The following EXTL3 variants were observed in gnomAD, a reference collection of about 807,000 sequenced individuals.
The protein encoded by EXTL3 is exostosin-like 3.
In EXTL3, 27 loss-of-function variants were observed where a neutral mutation model predicts 69.3. The ratio of observed to expected loss-of-function variants is 0.39; its 90% CI spans 0.29 to 0.54. EXTL3 has a LOEUF of 0.54. Ranked by LOEUF, EXTL3 falls within the 20% of genes least tolerant of loss-of-function variation. The pLI is 0.69. For missense variants in EXTL3, 1,003 were observed against 1,231.8 expected, an observed-to-expected ratio of 0.81 and a Z score of 2.78; for synonymous variants, 511 against 499.4, an observed-to-expected ratio of 1.02 and a Z score of -0.31.
intron 1 of EXTL3, among the ~76,000 whole-genome samples, chr8:28,640,141 TAAGG>T (rs1806720043): frequency 6.6e-6 from 1 of 152,126 alleles, no homozygotes; most frequent in South Asian, 2.1e-4. Flanking sequence ...CTGCAGACTC[TAAGG>T]TTCATGAGTG....
intron 1 of EXTL3, among the ~76,000 whole-genome samples, chr8:28,712,298 G>GA (rs1801045667): frequency 6.6e-6 from 1 of 152,172 alleles, no homozygotes; most frequent in Admixed American, 6.5e-5. Context: ...GGGGAAGAGC[G>GA]ATGGTAACTG....
intron 1 of EXTL3, among the ~76,000 whole-genome samples, chr8:28,683,580 C>T (rs985695863): frequency 2.6e-5 from 4 of 151,946 alleles, no homozygotes; most frequent in South Asian, 2.1e-4. Flanking sequence ...TTTGGGAGGC[C>T]GAGGCAGGTG....
At chr8:28,619,103 A>C (rs1324090745), upstream of EXTL3, among the ~76,000 whole-genome samples, 2 of 148,690 alleles carry the variant, frequency 1.3e-5, no homozygotes, top group African/African-American at 2.5e-5. Flanking sequence ...AAAAAAAAAA[A>C]AAAAAAAAAA....
chr8:28,647,645 G>C (rs1478364418), intron 1 of EXTL3, among the ~76,000 whole-genome samples: 1 of 152,110 alleles, frequency 6.6e-6, no homozygotes, highest in Non-Finnish European at 1.5e-5. Context: ...TTCAGCCTCT[G>C]TGTGAGGCTG....
intron 1 of EXTL3, among the ~76,000 whole-genome samples, chr8:28,672,700 C>T (rs1807316121): frequency 6.6e-6 from 1 of 152,070 alleles, no homozygotes; most frequent in Admixed American, 6.6e-5. Flanking sequence ...TGATGCATGC[C>T]CATGTTTCAG....
At chr8:28,628,286 C>A (rs1806524712) in intron 1 of EXTL3, among the ~76,000 whole-genome samples, 1 of 151,814 alleles carries the variant, frequency 6.6e-6, no homozygotes, top group African/African-American at 2.4e-5. Flanking sequence ...CGCTCGAACC[C>A]AGGAGGCAGA....
chr8:28,677,726 G>A (rs1807410695), intron 1 of EXTL3, among the ~76,000 whole-genome samples: 1 of 151,808 alleles, frequency 6.6e-6, no homozygotes. Flanking sequence ...AAATCACTTT[G>A]TTCTGTTACG....
chr8:28,753,961 GC>G lies in EXTL3; in HGVS notation c.*3096del, dbSNP rs1802066060. ...ACAGGAACTTAGGGGCTGTTGAGGT[GC>G]TTTAAGCAGGATGTGGAAGGGCATG... is the stretch of plus-strand genomic sequence containing the variant. On this transcript the variant is annotated 3_prime_UTR_variant, in exon 7 of 7. Coordinates refer to ENST00000220562, the MANE Select transcript of EXTL3 (RefSeq NM_001440.4). The G allele has an allele frequency of 1.3e-5, 2 of 152,328 alleles. No individual in the cohort carries two copies. Among genetic ancestry groups the G allele is most frequent in the Non-Finnish European group, 2.9e-5 (2 of 68,158 alleles). 9.4% of individuals were successfully genotyped at this position (152,328 alleles called of 1,614,324 possible).
In EXTL3 at chr8:28,716,138, A is replaced by G. The variant is rs1801139095; in HGVS notation, c.79A>G (p.Ile27Val). The change falls in exon 3 of 7, where the codon ATC becomes GTC. Residue 27 changes from isoleucine (I) to valine (V), a missense_variant. Coordinates refer to ENST00000220562, the MANE Select transcript of EXTL3 (RefSeq NM_001440.4). This position sits in a 1 kb window ranked among gnomAD's most constrained non-coding sequence, Gnocchi z 7.1. Reference protein sequence around the residue: ...QTCMLRWSNRIRLTWLSFTLF... With the variant: ...QTCMLRWSNRVRLTWLSFTLF... ...CTGCATGCTGCGCTGGTCCAACCGC[A>G]TCCGCCTCACGTGGCTCAGCTTCAC... The G allele has an allele frequency of 6.2e-7, 1 of 1,614,006 alleles. No homozygotes were observed. The highest frequency in any genetic ancestry group is 8.5e-7 in the Non-Finnish European group (1 of 1,180,042).
chr8:28,748,171 G>A (rs1801928709), intron 6 of EXTL3, among the ~76,000 whole-genome samples: 1 of 152,156 alleles, frequency 6.6e-6, no homozygotes, highest in South Asian at 2.1e-4. Context: ...AGGAGATCGA[G>A]ACCATCCTGG....
intron 1 of EXTL3, among the ~76,000 whole-genome samples, chr8:28,669,414 C>T (rs1807250809): frequency 6.6e-6 from 1 of 152,230 alleles, no homozygotes; most frequent in Non-Finnish European, 1.5e-5. Context: ...TCATGCCTAT[C>T]AAATGCTTCT....
At chr8:28,722,092 G>A (rs56085250) in intron 3 of EXTL3, among the ~76,000 whole-genome samples, 173 of 152,298 alleles carry the variant, frequency 1.1e-3, no homozygotes, top group African/African-American at 4.1e-3. Flanking sequence ...AAGCCTGAAT[G>A]AAGCGAGAGA....
At chr8:28,664,583 T>A (rs995465241) in intron 1 of EXTL3, among the ~76,000 whole-genome samples, 3 of 152,022 alleles carry the variant, frequency 2.0e-5, no homozygotes, top group African/African-American at 7.2e-5. Context: ...GGTCTCAATA[T>A]TTTTTTTCAT....
At position 28,718,029 on chromosome 8, in the gene EXTL3, A is replaced by C; in HGVS notation, c.1970A>C (p.Asn657Thr). 1.9e-6 allele frequency: 3 copies of C among 1,613,612 alleles called. No individual in the cohort carries two copies. The highest frequency in any genetic ancestry group is 2.5e-6 in the Non-Finnish European group (3 of 1,179,888). Residue 657 changes from asparagine (N) to threonine (T), a missense_variant, in exon 3 of 7, where the codon AAT (asparagine) becomes ACT (threonine). Around this residue, in one of 2 missense-constraint regions of EXTL3, gnomAD observed 261 missense variants for 416.4 expected, o/e 0.63. Transcript: ENST00000220562. ...GKEFQAALGG[N>T]VPREQFTVVM... ...GAATTTCAGGCAGCGCTTGGAGGCA[A>C]TGTTCCCCGAGAGCAGTTCACGGTG...
intron 3 of EXTL3, among the ~76,000 whole-genome samples, chr8:28,727,594 T>G (rs1329949155): frequency 6.6e-6 from 1 of 152,214 alleles, no homozygotes; most frequent in Non-Finnish European, 1.5e-5. Context: ...ATTGTCAAGT[T>G]TGGCTGATAA....
upstream of EXTL3, among the ~76,000 whole-genome samples, chr8:28,622,545 G>A (rs1806429064): frequency 6.7e-6 from 1 of 149,218 alleles, no homozygotes; most frequent in Non-Finnish European, 1.5e-5. Context: ...GCCGGGAGCC[G>A]ACGCGGAGGC....
chr8:28,679,108 G>A (rs1807436746), intron 1 of EXTL3, among the ~76,000 whole-genome samples: 1 of 152,204 alleles, frequency 6.6e-6, no homozygotes, highest in Non-Finnish European at 1.5e-5. Context: ...ACTGTTCTAT[G>A]CTCCAAACCA....
intron 1 of EXTL3, among the ~76,000 whole-genome samples, chr8:28,711,984 C>G (rs1427374440): frequency 6.6e-6 from 1 of 152,090 alleles, no homozygotes; most frequent in Non-Finnish European, 1.5e-5. Context: ...CAGCAGTGAT[C>G]CAAACACAAA....
chr8:28,708,136 A>G (rs918026553), intron 1 of EXTL3, among the ~76,000 whole-genome samples: 1 of 152,258 alleles, frequency 6.6e-6, no homozygotes, highest in African/African-American at 2.4e-5. Context: ...CCTTTCAAAC[A>G]GCCCTGTAAT....
Sources: allele counts gnomAD v4.1 joint callset (sites outside exome capture counted in the v4.1 genomes callset), GRCh38; gene constraint gnomAD v4.1.1; regional missense constraint gnomAD v4.1.1; non-coding constraint Gnocchi (gnomAD v3.1); transcripts MANE v1.5; gene names NCBI Gene and HGNC (gene_info 2026-07-23, HGNC 2026-07-21).